The following SMARCA2 variants were observed in gnomAD, a reference collection of about 807,000 sequenced individuals.
SMARCA2 encodes the protein SWI/SNF-related matrix-associated actin-dependent regulator of chromatin subfamily A member 2.
Under a neutral mutation model 199.8 loss-of-function variants are expected in SMARCA2, and 61 were observed. The ratio of observed to expected loss-of-function variants is 0.31; its 90% CI spans 0.25 to 0.38. The LOEUF (loss-of-function observed/expected upper bound fraction) is 0.38, where lower values mean the gene tolerates loss of function less well. SMARCA2 is among the 10% of genes least tolerant of loss of function. SMARCA2 has a pLI of 1.00. For missense variants in SMARCA2, 1,344 were observed against 2,012.2 expected, an observed-to-expected ratio of 0.67 and a Z score of 6.35; for synonymous variants, 935 against 732.0, an observed-to-expected ratio of 1.28 and a Z score of -4.48.
At chr9:2,157,283 C>G (rs1000263291) in intron 27 of SMARCA2, among the ~76,000 whole-genome samples, 1 of 152,090 alleles carries the variant, frequency 6.6e-6, no homozygotes, top group South Asian at 2.1e-4. Context: ...CAGCAGGGCA[C>G]GAGGGAGGTT....
intron 5 of SMARCA2, among the ~76,000 whole-genome samples, chr9:2,052,962 A>G (rs1037972457): frequency 6.6e-6 from 1 of 152,162 alleles, no homozygotes; most frequent in Non-Finnish European, 1.5e-5. Flanking sequence ...TGTAATATTC[A>G]TTTTTTAAGA....
At chr9:2,177,350 A>T (rs911446445) in intron 29 of SMARCA2, among the ~76,000 whole-genome samples, 5 of 152,220 alleles carry the variant, frequency 3.3e-5, no homozygotes, top group Admixed American at 1.3e-4. Context: ...AGATAGTCAC[A>T]TTTTAACCCT....
At chr9:2,029,807 A>C (rs1818984159) in intron 2 of SMARCA2, among the ~76,000 whole-genome samples, 1 of 152,134 alleles carries the variant, frequency 6.6e-6, no homozygotes, top group South Asian at 2.1e-4. Context: ...GAAGGTTCTG[A>C]TTTTTGCAGA....
In SMARCA2 at chr9:2,067,471, C is replaced by T. The variant is rs371122885; in HGVS notation, c.1693-2947C>T. Among the ~76,000 whole-genome samples, 12 of 152,298 alleles carry T rather than the reference C, an allele frequency of 7.9e-5. 1 individual carries two copies. The East Asian group carries it at 1.3e-3, about 17-fold the overall frequency. On this transcript the variant is annotated intron_variant, in intron 9 of 33. Transcript: ENST00000349721. ...ATTATAGACATAAAAGAATAGTCCT[C>T]GGACTATCGTTGACCCTTGTACAAT... is the stretch of plus-strand genomic sequence containing the variant.
intron 23 of SMARCA2, among the ~76,000 whole-genome samples, chr9:2,106,691 CACTT>C (rs1435720127): frequency 6.6e-6 from 1 of 152,072 alleles, no homozygotes; most frequent in Admixed American, 6.6e-5. Context: ...GAAAAAAAAT[CACTT>C]GATGAGAGCT....
At chr9:2,179,927 T>TCAAA (rs142718014) in intron 29 of SMARCA2, among the ~76,000 whole-genome samples, 1 of 152,332 alleles carries the variant, frequency 6.6e-6, no homozygotes, top group African/African-American at 2.4e-5. Context: ...AGGCACCTTT[T>TCAAA]CAAACAGATA....
chr9:2,156,914 A>G (rs1825395705), intron 27 of SMARCA2, among the ~76,000 whole-genome samples: 1 of 152,004 alleles, frequency 6.6e-6, no homozygotes, highest in Non-Finnish European at 1.5e-5. Flanking sequence ...CTCTTTTCTC[A>G]TCTCTGAAAT....
intron 1 of SMARCA2, among the ~76,000 whole-genome samples, chr9:2,019,150 A>C (rs939893955): frequency 2.0e-5 from 3 of 151,616 alleles, no homozygotes; most frequent in Non-Finnish European, 4.4e-5. Context: ...AAAAAAAAAA[A>C]CAACCCAGTA....
intron 27 of SMARCA2, among the ~76,000 whole-genome samples, chr9:2,159,160 T>C (rs1288498654): frequency 1.3e-5 from 2 of 152,250 alleles, no homozygotes; most frequent in African/African-American, 4.8e-5. Flanking sequence ...TTATGCTTTT[T>C]CCCTCTTTTC....
At chr9:2,068,821 C>G (rs1393688077) in intron 9 of SMARCA2, 1 of 151,854 alleles carries the variant, frequency 6.6e-6, no homozygotes, top group Non-Finnish European at 1.5e-5. Flanking sequence ...AAAGATTTCA[C>G]TTGTCAGAGA....
intron 12 of SMARCA2, among the ~76,000 whole-genome samples, chr9:2,075,830 A>G (rs182121106): frequency 3.9e-5 from 6 of 152,176 alleles, no homozygotes; most frequent in Admixed American, 3.3e-4. Context: ...GCCATCAGAG[A>G]GAGTGTTTTT....
intron 3 of SMARCA2, among the ~76,000 whole-genome samples, chr9:2,037,895 C>T (rs991500800): frequency 6.6e-5 from 10 of 152,172 alleles, no homozygotes; most frequent in Admixed American, 2.6e-4. Context: ...GAGCTCCCTC[C>T]AACAATGTTC....
At chr9:2,093,329 C>A (rs988705285) in intron 19 of SMARCA2, among the ~76,000 whole-genome samples, 2 of 152,192 alleles carry the variant, frequency 1.3e-5, no homozygotes, top group Non-Finnish European at 2.9e-5. Context: ...ATATATTGAT[C>A]TTTCTCTTAA....
In SMARCA2 at chr9:2,186,171, G is replaced by A. The variant is rs1563841688; in HGVS notation, c.4537G>A (p.Glu1513Lys). 1 of 1,614,092 alleles carries A rather than the reference G, an allele frequency of 6.2e-7. No individual in the cohort carries two copies. The highest frequency in any genetic ancestry group is 8.5e-7 in the Non-Finnish European group (1 of 1,179,936). The change falls in exon 32 of 34, where the codon GAG becomes AAG. Residue 1513 changes from glutamate (E) to lysine (K), a missense_variant. Around this residue, in one of 18 missense-constraint regions of SMARCA2, gnomAD observed 155 missense variants for 121.1 expected, o/e 1.28. Transcript: ENST00000349721. The stretch of plus-strand genomic sequence containing the variant: ...GAAAATTGCCAAAGAGGAAGAGAGT[G>A]AGGATGAAAGCAATGAAGAGGAGGA... Reference protein sequence around the residue: ...RQKIAKEEESEDESNEEEEEE... With the variant: ...RQKIAKEEESKDESNEEEEEE...
chr9:2,118,818 T>C (rs1364832639), intron 25 of SMARCA2, among the ~76,000 whole-genome samples: 2 of 152,224 alleles, frequency 1.3e-5, no homozygotes, highest in Non-Finnish European at 2.9e-5. Context: ...TAAATTATTT[T>C]AATTAAGTAT....
At chr9:2,179,785 A>G (rs946825867) in intron 29 of SMARCA2, among the ~76,000 whole-genome samples, 2 of 152,212 alleles carry the variant, frequency 1.3e-5, no homozygotes, top group African/African-American at 4.8e-5. Flanking sequence ...CACCATGAAG[A>G]TGTGTCATTG....
At chr9:2,073,373 C>T (rs758878982) in intron 11 of SMARCA2, 31 bp downstream of exon 11, 2 of 1,611,582 alleles carry the variant, frequency 1.2e-6, no homozygotes, top group Non-Finnish European at 1.7e-6. Context: ...TCATGGTGTT[C>T]TTTTAGCTTT....
chr9:2,132,654 C>G (rs984106984), intron 27 of SMARCA2, among the ~76,000 whole-genome samples: 1 of 152,138 alleles, frequency 6.6e-6, no homozygotes, highest in Admixed American at 6.5e-5. Context: ...GCAAAATTTT[C>G]TAGCAAGCTG....
intron 12 of SMARCA2, among the ~76,000 whole-genome samples, chr9:2,074,015 G>C (rs1240703361): frequency 2.6e-5 from 4 of 152,154 alleles, no homozygotes; most frequent in African/African-American, 9.7e-5. Flanking sequence ...AAGTCCTTCA[G>C]ACCTTCGAGT....
Sources: gnomAD v4.1 joint callset for allele counts (sites outside exome capture counted in the v4.1 genomes callset) on GRCh38, gnomAD v4.1.1 for gene constraint, gnomAD v4.1.1 regional missense constraint, MANE v1.5 for transcripts, NCBI Gene and HGNC (gene_info 2026-07-23, HGNC 2026-07-21) for gene names.